Variants in CDK14 observed in about 807,000 individuals in gnomAD.
CDK14 encodes the protein cyclin-dependent kinase 14.
A neutral mutation model predicts 60.7 loss-of-function variants in CDK14; 34 were observed. The ratio of observed to expected loss-of-function variants is 0.56; its 90% CI spans 0.43 to 0.75. The LOEUF (loss-of-function observed/expected upper bound fraction) is 0.75. Among genes scored for constraint, CDK14 ranks in the 30% least tolerant of loss-of-function variants. The pLI, the probability that CDK14 is intolerant of heterozygous loss-of-function variation, is 0.00. For synonymous variants in CDK14, 197 were observed against 203.7 expected (o/e 0.97, Z 0.28); for missense variants, 482 against 564.1 (o/e 0.85, Z 1.47).
intron 2 of CDK14, among the ~76,000 whole-genome samples, chr7:90,608,285 T>C (rs1799462294): frequency 6.6e-6 from 1 of 152,236 alleles, no homozygotes; most frequent in African/African-American, 2.4e-5. Flanking sequence ...TTTAATGATT[T>C]ATTTTAGAAT....
chr7:90,811,688 G>A (rs1290174357), intron 5 of CDK14, among the ~76,000 whole-genome samples: 10 of 151,672 alleles, frequency 6.6e-5, no homozygotes, highest in African/African-American at 2.2e-4. Context: ...GCAACCTACA[G>A]AATGGGAGAA....
chr7:90,669,456 G>A (rs1801055030), intron 2 of CDK14, among the ~76,000 whole-genome samples: 1 of 152,170 alleles, frequency 6.6e-6, no homozygotes, highest in Admixed American at 6.5e-5. Flanking sequence ...TTGTTTCAGA[G>A]ATGTACACAG....
intron 2 of CDK14, among the ~76,000 whole-genome samples, chr7:90,620,264 TTATC>T (rs1350470159): frequency 1.3e-5 from 2 of 152,224 alleles, no homozygotes; most frequent in Non-Finnish European, 2.9e-5. Context: ...ATCAAATTAA[TTATC>T]TAATTATTAA....
chr7:90,668,696 ATTCTTTTTTT>A (rs1232350627), intron 2 of CDK14, among the ~76,000 whole-genome samples: 4 of 68,450 alleles, frequency 5.8e-5, no homozygotes, highest in African/African-American at 2.4e-4. Flanking sequence ...AAGGACTCGC[ATTCTTTTTTT>A]TTTTTTTTTT....
At chr7:91,154,218 TCTC>T (rs1800909625) in intron 14 of CDK14, among the ~76,000 whole-genome samples, 3 of 151,936 alleles carry the variant, frequency 2.0e-5, no homozygotes, top group Non-Finnish European at 4.4e-5. Context: ...ACTTTTATAA[TCTC>T]CTTTTTTTTC....
chr7:90,629,779 T>A (rs12704553), intron 2 of CDK14, among the ~76,000 whole-genome samples: 1 of 151,674 alleles, frequency 6.6e-6, no homozygotes, highest in Admixed American at 6.6e-5. Context: ...GTAATCTCAG[T>A]CCTTTGGGAG....
At chr7:90,773,066 T>C (rs1804854788) in intron 4 of CDK14, among the ~76,000 whole-genome samples, 1 of 152,244 alleles carries the variant, frequency 6.6e-6, no homozygotes, top group Admixed American at 6.5e-5. Flanking sequence ...CTAAAATATA[T>C]TGGTTTATTT....
chr7:90,726,472 T>A, intron 2 of CDK14, 95 bp from the exon 3 acceptor site: 1 of 1,383,738 alleles, frequency 7.2e-7, no homozygotes, highest in Non-Finnish European at 9.8e-7. Flanking sequence ...TTCCTGAAAC[T>A]GAAATTGGCA....
At chr7:91,006,073 G>A (rs899769306) in intron 10 of CDK14, among the ~76,000 whole-genome samples, 5 of 152,248 alleles carry the variant, frequency 3.3e-5, no homozygotes, top group South Asian at 2.1e-4. Context: ...CACGTGGGTG[G>A]ACACCGCTGG....
intron 5 of CDK14, among the ~76,000 whole-genome samples, chr7:90,848,699 A>G (rs1276804252): frequency 6.6e-6 from 1 of 152,174 alleles, no homozygotes; most frequent in African/African-American, 2.4e-5. Flanking sequence ...GTCTTATCTG[A>G]AAAAGTGCAT....
intron 4 of CDK14, among the ~76,000 whole-genome samples, chr7:90,790,004 T>C (rs908707208): frequency 1.3e-5 from 2 of 151,830 alleles, no homozygotes; most frequent in African/African-American, 4.8e-5. Context: ...ATAACTTTTT[T>C]GATGACATAC....
At chr7:91,188,944 T>C (rs1450083026) in intron 14 of CDK14, among the ~76,000 whole-genome samples, 2 of 151,116 alleles carry the variant, frequency 1.3e-5, no homozygotes, top group East Asian at 3.8e-4. Context: ...GTTGTTGTTT[T>C]ATTTTATTTC....
chr7:90,691,440 A>G (rs1026876383), intron 2 of CDK14, among the ~76,000 whole-genome samples: 8 of 152,132 alleles, frequency 5.3e-5, no homozygotes, highest in African/African-American at 1.9e-4. Context: ...GAGGCTGCAC[A>G]GGAGAATGGT....
At chr7:90,735,907 C>T (rs1803079714) in intron 3 of CDK14, among the ~76,000 whole-genome samples, 1 of 152,198 alleles carries the variant, frequency 6.6e-6, no homozygotes, top group Non-Finnish European at 1.5e-5. Flanking sequence ...TCGGTGTCTG[C>T]CCAAACGGCT....
chr7:90,698,573 A>T (rs1801713706), intron 2 of CDK14, among the ~76,000 whole-genome samples: 1 of 152,222 alleles, frequency 6.6e-6, no homozygotes, highest in Non-Finnish European at 1.5e-5. Flanking sequence ...TCCTTTGATC[A>T]GATAGGACAT....
chr7:90,785,786 C>CAAAAAAAAAAAAAAAAAAAAAAAAAAAA, intron 4 of CDK14, among the ~76,000 whole-genome samples: 1 of 45,958 alleles, frequency 2.2e-5, no homozygotes, highest in Non-Finnish European at 3.9e-5. Context: ...GACTCCGTCT[C>CAAAAAAAAAAAAAAAAAAAAAAAAAAAA]AAAAAAAAAA....
At chr7:90,674,248 A>G (rs1801154491) in intron 2 of CDK14, among the ~76,000 whole-genome samples, 1 of 152,236 alleles carries the variant, frequency 6.6e-6, no homozygotes, top group Non-Finnish European at 1.5e-5. Flanking sequence ...TGTATTAATT[A>G]CTGGGATAGG....
rs149571934 is a variant in CDK14, at chr7:90,729,854, C to T, written c.369+3042C>T. 8.6e-5 allele frequency among the ~76,000 whole-genome samples: 13 copies of T among 151,888 alleles called. No individual in the cohort carries two copies. The East Asian group carries it at 2.3e-3, about 27-fold the overall frequency. ...TTTTCTGAGTCCTTTCTGTTTGCTG[C>T]CCTTTTAAAAAATATATTTTTTCTT... On this transcript the variant is annotated intron_variant, in intron 3 of 14. Transcript: ENST00000380050.
intron 14 of CDK14, among the ~76,000 whole-genome samples, chr7:91,140,381 T>C (rs1800419309): frequency 6.6e-6 from 1 of 152,214 alleles, no homozygotes; most frequent in African/African-American, 2.4e-5. Flanking sequence ...CAGAACCTTA[T>C]GTCGAACTCT....
Sources: gnomAD v4.1 joint callset for allele counts (sites outside exome capture counted in the v4.1 genomes callset) on GRCh38, gnomAD v4.1.1 for gene constraint, MANE v1.5 for transcripts, NCBI Gene and HGNC (gene_info 2026-07-23, HGNC 2026-07-21) for gene names.